RGS7: variants seen among roughly 807,000 people sequenced by gnomAD.
RGS7 encodes regulator of G-protein signaling 7.
RGS7 carries 27 observed loss-of-function variants against 81.1 expected under a neutral mutation model. The ratio of observed to expected loss-of-function variants is 0.33; its 90% CI spans 0.25 to 0.46. RGS7 has a LOEUF of 0.46. Among genes scored for constraint, RGS7 ranks in the 20% least tolerant of loss-of-function variants. RGS7 has a pLI of 1.00. For synonymous variants in RGS7, 208 were observed against 207.7 expected, an observed-to-expected ratio of 1.00 and a Z score of -0.01; for missense variants, 396 against 607.4, an observed-to-expected ratio of 0.65 and a Z score of 3.66.
intron 3 of RGS7, among the ~76,000 whole-genome samples, chr1:241,088,692 T>C (rs1558699370): frequency 1.3e-5 from 2 of 152,120 alleles, no homozygotes; most frequent in Non-Finnish European, 2.9e-5. Context: ...ATGTGTATGT[T>C]TCTCCTGTTA....
chr1:240,799,942 T>C (rs1687763450), intron 18 of RGS7, among the ~76,000 whole-genome samples: 1 of 152,202 alleles, frequency 6.6e-6, no homozygotes, highest in African/African-American at 2.4e-5. Context: ...GTGGGTTAGA[T>C]ATGATGTTGG....
At chr1:241,262,590 A>C (rs1467085842) in intron 2 of RGS7, among the ~76,000 whole-genome samples, 7 of 152,238 alleles carry the variant, frequency 4.6e-5, no homozygotes, top group Non-Finnish European at 1.0e-4. Flanking sequence ...AATAGTTCAG[A>C]ATTGTGGCCA....
At chr1:240,953,098 G>GA (rs1285465145) in intron 4 of RGS7, among the ~76,000 whole-genome samples, 1 of 151,722 alleles carries the variant, frequency 6.6e-6, no homozygotes, top group East Asian at 1.9e-4. Flanking sequence ...GAACTGAAAG[G>GA]AAAAATAAAC....
rs191359391 is a variant in RGS7, at chr1:240,959,509, T to C, written c.227-22803A>G. On this transcript the variant is annotated intron_variant, in intron 4 of 18. Transcript: ENST00000440928. Reference sequence around the variant, plus strand: ...ACATAGAAAATGCAATGCATTACTCTATACCATTATGATAGCTACAGTATC... The same window carrying C: ...ACATAGAAAATGCAATGCATTACTCCATACCATTATGATAGCTACAGTATC... Among the ~76,000 whole-genome samples, 10 of 152,344 alleles carry C rather than the reference T, an allele frequency of 6.6e-5. 1 individual carries two copies. Among genetic ancestry groups the C allele is most frequent in the East Asian group, 3.9e-4 (2 of 5,184 alleles).
chr1:240,875,887 G>A (rs4660010), intron 6 of RGS7, among the ~76,000 whole-genome samples: 86,527 of 151,956 alleles, frequency 0.57, 25,142 homozygotes, highest in South Asian at 0.65. Context: ...TGGCTTATTC[G>A]TCTTCCTGCT....
intron 2 of RGS7, among the ~76,000 whole-genome samples, chr1:241,099,725 T>C (rs1353604419): frequency 1.3e-5 from 2 of 152,206 alleles, no homozygotes; most frequent in Non-Finnish European, 2.9e-5. Context: ...TTAAAATCCA[T>C]TCATCCATTT....
At chr1:241,068,238 G>GTGTATATATATATATATA in intron 3 of RGS7, among the ~76,000 whole-genome samples, 2 of 35,660 alleles carry the variant, frequency 5.6e-5, no homozygotes, top group African/African-American at 1.9e-4. Flanking sequence ...GTGTGTGTGT[G>GTGTATATATATATATATA]TATATATATA....
chr1:241,022,485 A>G (rs1204637539), intron 3 of RGS7, among the ~76,000 whole-genome samples: 1 of 152,186 alleles, frequency 6.6e-6, no homozygotes, highest in Non-Finnish European at 1.5e-5. Context: ...TGTTTGAGAT[A>G]CTTTGCAGAG....
intron 6 of RGS7, 85 bp downstream of exon 6, chr1:240,930,632 T>G: frequency 1.6e-6 from 2 of 1,271,098 alleles, no homozygotes; most frequent in Non-Finnish European, 2.3e-6. Context: ...TTCCTTTTCT[T>G]AATGAAAAAA....
At chr1:240,937,520 T>C (rs1468888316) in intron 4 of RGS7, among the ~76,000 whole-genome samples, 1 of 152,220 alleles carries the variant, frequency 6.6e-6, no homozygotes, top group Non-Finnish European at 1.5e-5. Context: ...CATGAGAAGA[T>C]AAAGTTAAGA....
chr1:241,002,841 T>A (rs1392870941), intron 3 of RGS7, among the ~76,000 whole-genome samples: 1 of 152,334 alleles, frequency 6.6e-6, no homozygotes, highest in East Asian at 1.9e-4. Flanking sequence ...TGATGAATAA[T>A]CTCATTCATA....
At chr1:241,258,963 T>A (rs1056084889) in intron 2 of RGS7, among the ~76,000 whole-genome samples, 1 of 152,284 alleles carries the variant, frequency 6.6e-6, no homozygotes, top group East Asian at 1.9e-4. Context: ...TGTAACAATG[T>A]CAATTACAGC....
intron 3 of RGS7, among the ~76,000 whole-genome samples, chr1:240,999,328 C>T (rs931809281): frequency 1.3e-5 from 2 of 151,842 alleles, no homozygotes; most frequent in Non-Finnish European, 2.9e-5. Flanking sequence ...AAGAATTACA[C>T]ATAAAATACA....
chr1:241,350,320 GGGT>G (rs2083158486), intron 2 of RGS7, among the ~76,000 whole-genome samples: 1 of 152,104 alleles, frequency 6.6e-6, no homozygotes, highest in South Asian at 2.1e-4. Context: ...AATATGTTTA[GGGT>G]AGACAACATC....
intron 6 of RGS7, among the ~76,000 whole-genome samples, chr1:240,918,124 C>T (rs967312700): frequency 6.6e-6 from 1 of 152,068 alleles, no homozygotes; most frequent in African/African-American, 2.4e-5. Flanking sequence ...TGACAGATTA[C>T]AAAGAGAAAT....
At chr1:241,027,222 GAA>G (rs1247065174) in intron 3 of RGS7, among the ~76,000 whole-genome samples, 2 of 139,574 alleles carry the variant, frequency 1.4e-5, no homozygotes, top group African/African-American at 5.9e-5. Flanking sequence ...CAAAAGAAAA[GAA>G]GAAAAAAAAA....
At chr1:241,228,642 T>G (rs2075469080) in intron 2 of RGS7, among the ~76,000 whole-genome samples, 1 of 152,104 alleles carries the variant, frequency 6.6e-6, no homozygotes, top group Non-Finnish European at 1.5e-5. Flanking sequence ...TGGATCCAGA[T>G]GCACAGTTAA....
chr1:241,002,974 C>T (rs988024665), intron 3 of RGS7, among the ~76,000 whole-genome samples: 5 of 152,150 alleles, frequency 3.3e-5, no homozygotes, highest in Non-Finnish European at 7.4e-5. Context: ...AGTTTTCATA[C>T]ACTTGTTAGT....
chr1:240,885,878 C>A (rs559799160), intron 6 of RGS7, among the ~76,000 whole-genome samples: 15 of 152,172 alleles, frequency 9.9e-5, no homozygotes, highest in South Asian at 2.1e-4. Flanking sequence ...AACAAACCTG[C>A]GCACATACTC....
Sources: allele counts gnomAD v4.1 joint callset (sites outside exome capture counted in the v4.1 genomes callset), GRCh38; gene constraint gnomAD v4.1.1; transcripts MANE v1.5; gene names NCBI Gene and HGNC (gene_info 2026-07-23, HGNC 2026-07-21).